HHAT: variants seen among roughly 807,000 people sequenced by gnomAD.
The protein encoded by HHAT is protein-cysteine N-palmitoyltransferase HHAT.
In HHAT, 47 loss-of-function variants were observed where a neutral mutation model predicts 70.8. That is an observed-to-expected ratio of 0.66 (90% CI 0.53 to 0.85). HHAT has a LOEUF of 0.85. Among genes scored for constraint, HHAT ranks in the 40% least tolerant of loss-of-function variants. The pLI is 0.00. For synonymous variants in HHAT, 228 were observed against 247.6 expected (o/e 0.92, Z 0.74); for missense variants, 609 against 604.8 (o/e 1.01, Z -0.07).
chr1:210,654,049 T>TG (rs1371527016), intron 11 of HHAT, among the ~76,000 whole-genome samples: 2 of 318 alleles, frequency 6.3e-3, no homozygotes, highest in Non-Finnish European at 0.029. Context: ...AATAGTGTGA[T>TG]GGAATAGTGT....
chr1:210,361,111 G>A (rs528111647), intron 2 of HHAT, among the ~76,000 whole-genome samples: 7 of 152,268 alleles, frequency 4.6e-5, no homozygotes, highest in Middle Eastern at 6.8e-3. Context: ...TTTTAATCCC[G>A]TGTAACTCTG....
intron 3 of HHAT, among the ~76,000 whole-genome samples, chr1:210,368,006 A>G (rs2089177170): frequency 6.8e-6 from 1 of 147,278 alleles, no homozygotes; most frequent in Non-Finnish European, 1.5e-5. Flanking sequence ...TGTATTTGCC[A>G]GTCCCTTTTT....
In HHAT at chr1:210,648,170, G is replaced by GTTTGGAATGGC. The variant is rs565500261; in HGVS notation, c.1390+24503_1390+24513dup. ...CTTGCCTTTCCCTTTGTTTAAGCTG[G>GTTTGGAATGGC]TTTGGAATGGCTTGGATCTCTGCTA... On this transcript the variant is annotated intron_variant, in intron 11 of 11. Transcript: ENST00000261458. 4.8e-3 allele frequency among the ~76,000 whole-genome samples: 725 copies of GTTTGGAATGGC among 152,264 alleles called. 4 individuals carry two copies. The highest frequency in any genetic ancestry group is 0.017 in the Middle Eastern group (5 of 294).
intron 9 of HHAT, among the ~76,000 whole-genome samples, chr1:210,561,516 G>C (rs1257467059): frequency 6.6e-6 from 1 of 152,128 alleles, no homozygotes; most frequent in Non-Finnish European, 1.5e-5. Flanking sequence ...CGTGTGGCAA[G>C]TGCCCAGCCA....
Position 210,587,975 on chromosome 1 carries a change from T to C in HHAT, c.1121T>C (p.Phe374Ser). ...TLFSTAMTFA[F>S]VSYWHGGYDY... is the part of the protein sequence containing the mutation. ...TTTTCCACGGCGATGACATTTGCAT[T>C]TGTGAGCTACTGGCATGGCGGCTAC... Residue 374 changes from phenylalanine (F) to serine (S), a missense_variant, in exon 10 of 12, where the codon TTT becomes TCT. Phe to Ser is a radical substitution (Grantham distance 155). Coordinates refer to ENST00000261458, the MANE Select transcript of HHAT (RefSeq NM_018194.6). 1.2e-6 allele frequency: 2 copies of C among 1,614,122 alleles called. No homozygotes were observed. The highest frequency in any genetic ancestry group is 4.5e-5 in the East Asian group (2 of 44,862).
chr1:210,605,784 TTC>T (rs1665275594), intron 10 of HHAT, among the ~76,000 whole-genome samples: 1 of 152,160 alleles, frequency 6.6e-6, no homozygotes, highest in South Asian at 2.1e-4. Context: ...TAATGTTCAG[TTC>T]TCTTAGTTGT....
intron 9 of HHAT, among the ~76,000 whole-genome samples, chr1:210,573,868 G>C (rs1483729274): frequency 6.6e-6 from 1 of 152,156 alleles, no homozygotes; most frequent in African/African-American, 2.4e-5. Context: ...ATCATCTTTT[G>C]TTTACAGGGA....
intron 3 of HHAT, chr1:210,374,307 C>T (rs959649631): frequency 6.6e-6 from 1 of 152,206 alleles, no homozygotes; most frequent in African/African-American, 2.4e-5. Flanking sequence ...GCAGTAACCG[C>T]AACTCCTAGT....
intron 11 of HHAT, among the ~76,000 whole-genome samples, chr1:210,671,278 T>C (rs1311842137): frequency 1.3e-5 from 2 of 152,122 alleles, no homozygotes; most frequent in African/African-American, 4.8e-5. Flanking sequence ...GCTTTCTGTG[T>C]CCAAAGCCCG....
chr1:210,476,868 T>TCTC (rs2094313966), intron 8 of HHAT, among the ~76,000 whole-genome samples: 1 of 152,168 alleles, frequency 6.6e-6, no homozygotes, highest in African/African-American at 2.4e-5. Flanking sequence ...TTCAGCAAGA[T>TCTC]CTCCTATGAA....
chr1:210,502,364 A>G (rs1460917035), intron 8 of HHAT, among the ~76,000 whole-genome samples: 2 of 139,492 alleles, frequency 1.4e-5, no homozygotes, highest in African/African-American at 5.4e-5. Context: ...AGCCTGGGCA[A>G]AAGAGCAAGA....
chr1:210,350,934 T>C (rs1301021441), intron 2 of HHAT, among the ~76,000 whole-genome samples: 2 of 152,206 alleles, frequency 1.3e-5, no homozygotes, highest in Non-Finnish European at 2.9e-5. Flanking sequence ...CCTCTATTCC[T>C]AGTTTTCTGA....
At chr1:210,618,659 C>T (rs1668236754) in intron 10 of HHAT, among the ~76,000 whole-genome samples, 1 of 152,128 alleles carries the variant, frequency 6.6e-6, no homozygotes, top group African/African-American at 2.4e-5. Context: ...GAGGGGCTGG[C>T]AAGCCCACAG....
At chr1:210,526,309 T>G (rs12121296) in intron 9 of HHAT, among the ~76,000 whole-genome samples, 61,164 of 150,180 alleles carry the variant, frequency 0.41, 13,119 homozygotes, top group Middle Eastern at 0.47. Flanking sequence ...TCTCAGGCCC[T>G]GTCAGAGATT....
chr1:210,607,277 T>C (rs1224412641), intron 10 of HHAT, among the ~76,000 whole-genome samples: 2 of 152,148 alleles, frequency 1.3e-5, no homozygotes, highest in African/African-American at 2.4e-5. Context: ...GGGTTGACTT[T>C]GCTCACCCTG....
At position 210,526,367 on chromosome 1, in the gene HHAT, G is replaced by GTTTTGTTTTGTTTTGTTTTGTTTTTTTTT; in HGVS notation, c.1043+13183_1043+13184insGTTTTGTTTTGTTTTGTTTTTTTTTTTTT. 8.8e-4 allele frequency among the ~76,000 whole-genome samples: 126 copies of GTTTTGTTTTGTTTTGTTTTGTTTTTTTTT among 142,398 alleles called. 6 individuals carry two copies. Among genetic ancestry groups the GTTTTGTTTTGTTTTGTTTTGTTTTTTTTT allele is most frequent in the African/African-American group, 2.6e-3 (99 of 38,232 alleles). The allele number at this position is 142,398 out of a possible 152,430, so 93.4% of individuals were successfully genotyped here. ...TAATAAACTAACCAGAGTGGGTTCT[G>GTTTTGTTTTGTTTTGTTTTGTTTTTTTTT]TTTTTTTTTTTGCCACTGAGATAAC... On this transcript the variant is annotated intron_variant, in intron 9 of 11. Coordinates refer to ENST00000261458, the MANE Select transcript of HHAT (RefSeq NM_018194.6).
chr1:210,593,007 C>G (rs2148800916), intron 10 of HHAT, among the ~76,000 whole-genome samples: 1 of 151,764 alleles, frequency 6.6e-6, no homozygotes, highest in South Asian at 2.1e-4. Context: ...TTAGGTATAT[C>G]TCCTAATGCT....
chr1:210,521,779 T>G (rs2095161944), intron 9 of HHAT, among the ~76,000 whole-genome samples: 2 of 152,212 alleles, frequency 1.3e-5, no homozygotes, highest in South Asian at 4.1e-4. Flanking sequence ...CTTTTTTTGG[T>G]GTCCCCTTAG....
At chr1:210,615,847 A>T (rs1163728316) in intron 10 of HHAT, among the ~76,000 whole-genome samples, 2 of 152,102 alleles carry the variant, frequency 1.3e-5, no homozygotes, top group African/African-American at 4.8e-5. Context: ...GTCTGCCCCT[A>T]CTGGGGGGTG....
Sources: allele counts gnomAD v4.1 joint callset (sites outside exome capture counted in the v4.1 genomes callset), GRCh38; gene constraint gnomAD v4.1.1; transcripts MANE v1.5; gene names NCBI Gene and HGNC (gene_info 2026-07-23, HGNC 2026-07-21).